TRAPPC8: variants seen among roughly 807,000 people sequenced by gnomAD.
TRAPPC8 encodes trafficking protein particle complex subunit 8.
In TRAPPC8, 54 loss-of-function variants were observed where a neutral mutation model predicts 174.3. That is an observed-to-expected ratio of 0.31 (90% confidence interval 0.25 to 0.39). The LOEUF (loss-of-function observed/expected upper bound fraction) is 0.39, where lower values mean the gene tolerates loss of function less well. TRAPPC8 is among the 10% of genes least tolerant of loss of function. The probability of loss-of-function intolerance (pLI) is 1.00; values close to 1 mark genes in which losing one functional copy is unlikely to be tolerated. For synonymous variants in TRAPPC8, 630 were observed against 579.9 expected (o/e 1.09, Z -1.24); for missense variants, 1,531 against 1,699.1 (o/e 0.90, Z 1.74).
chr18:31,875,230 C>T (rs1223211761), intron 12 of TRAPPC8, among the ~76,000 whole-genome samples: 1 of 151,816 alleles, frequency 6.6e-6, no homozygotes, highest in Non-Finnish European at 1.5e-5. Context: ...ACACATTTAT[C>T]AAAGTTTTTT....
intron 11 of TRAPPC8, among the ~76,000 whole-genome samples, chr18:31,897,426 A>G (rs899321484): frequency 6.6e-6 from 1 of 152,230 alleles, no homozygotes. Flanking sequence ...GCAGACTCAG[A>G]TAACAAAATA....
intron 24 of TRAPPC8, among the ~76,000 whole-genome samples, chr18:31,851,991 G>A (rs1015545165): frequency 2.0e-5 from 3 of 151,938 alleles, no homozygotes; most frequent in Non-Finnish European, 4.4e-5. Flanking sequence ...TTTGTTTTGG[G>A]GACTGAAGGC....
intron 5 of TRAPPC8, among the ~76,000 whole-genome samples, chr18:31,911,255 G>A (rs1220030900): frequency 6.6e-6 from 1 of 152,072 alleles, no homozygotes; most frequent in Non-Finnish European, 1.5e-5. Context: ...TGTGGCTTAC[G>A]CCTGTAATAT....
intron 12 of TRAPPC8, among the ~76,000 whole-genome samples, chr18:31,877,752 C>A (rs186485562): frequency 1.3e-5 from 2 of 151,690 alleles, no homozygotes; most frequent in African/African-American, 4.8e-5. Flanking sequence ...GGTGAAACCC[C>A]GTCTCTACTA....
intron 1 of TRAPPC8, among the ~76,000 whole-genome samples, chr18:31,938,818 A>T (rs1464526783): frequency 1.3e-5 from 2 of 152,206 alleles, no homozygotes; most frequent in Non-Finnish European, 2.9e-5. Context: ...TCAGTGGCTC[A>T]TGCCTGTAAT....
intron 7 of TRAPPC8, 23 bp from the exon 8 acceptor site, chr18:31,908,441 G>A (rs1474386070): frequency 7.0e-7 from 1 of 1,426,244 alleles, no homozygotes; most frequent in Non-Finnish European, 9.5e-7. Context: ...GATTAAATAT[G>A]TTGACAAACA....
chr18:31,843,040 A>T (rs1229750293), intron 26 of TRAPPC8, among the ~76,000 whole-genome samples: 3 of 152,192 alleles, frequency 2.0e-5, no homozygotes, highest in Non-Finnish European at 2.9e-5. Context: ...AAGGCAAAAA[A>T]ATTCATGTAC....
At chr18:31,845,872 C>T (rs2033373679) in intron 26 of TRAPPC8, among the ~76,000 whole-genome samples, 1 of 152,022 alleles carries the variant, frequency 6.6e-6, no homozygotes, top group Non-Finnish European at 1.5e-5. Context: ...AATTACTAGA[C>T]TAAATGTGCT....
At chr18:31,893,788 TTAAG>T (rs1162400781) in intron 11 of TRAPPC8, among the ~76,000 whole-genome samples, 1 of 152,182 alleles carries the variant, frequency 6.6e-6, no homozygotes, top group African/African-American at 2.4e-5. Flanking sequence ...CTGTAATTTC[TTAAG>T]TCTATTCTTA....
At chr18:31,882,489 A>G (rs960550865) in intron 12 of TRAPPC8, among the ~76,000 whole-genome samples, 5 of 152,164 alleles carry the variant, frequency 3.3e-5, no homozygotes, top group African/African-American at 7.2e-5. Context: ...GAGGGTTGAA[A>G]AACAACCTAC....
chr18:31,867,463 G>A lies in TRAPPC8; in HGVS notation c.2402C>T (p.Pro801Leu). ...AATAACTTCAGCTCCAATCATTTCA[G>A]GTTCACTTGTAACCTAAAAAATAAA... ...EEVKQLVTSE[P>L]EMIGAEVISE... Residue 801 changes from proline (P) to leucine (L), a missense_variant, in exon 17 of 29, where the codon CCT becomes CTT. Pro to Leu is a moderately conservative substitution (Grantham distance 98). Coordinates refer to ENST00000283351, the MANE Select transcript of TRAPPC8 (RefSeq NM_014939.5). The A allele has an allele frequency of 1.9e-6, 3 of 1,604,984 alleles. 1 individual carries two copies. Among genetic ancestry groups the A allele is most frequent in the South Asian group, 2.2e-5 (2 of 90,232 alleles).
At chr18:31,884,014 C>T (rs1352441973) in intron 12 of TRAPPC8, among the ~76,000 whole-genome samples, 1 of 152,064 alleles carries the variant, frequency 6.6e-6, no homozygotes, top group African/African-American at 2.4e-5. Context: ...CATGGTGAAA[C>T]CCCATCTCTA....
At chr18:31,932,871 A>G (rs1214767190) in intron 1 of TRAPPC8, among the ~76,000 whole-genome samples, 1 of 152,000 alleles carries the variant, frequency 6.6e-6, no homozygotes, top group Non-Finnish European at 1.5e-5. Context: ...AATCCCAGCT[A>G]CTGGGGACGC....
chr18:31,905,091 C>T (rs1184991858), intron 9 of TRAPPC8, among the ~76,000 whole-genome samples: 1 of 151,298 alleles, frequency 6.6e-6, no homozygotes, highest in Non-Finnish European at 1.5e-5. Flanking sequence ...ATTTATTTTG[C>T]CTTTGTAGTT....
At chr18:31,891,969 G>A (rs927576340) in intron 11 of TRAPPC8, among the ~76,000 whole-genome samples, 4 of 152,122 alleles carry the variant, frequency 2.6e-5, no homozygotes, top group Non-Finnish European at 5.9e-5. Context: ...TTAGATGATT[G>A]CTCTAGTAAT....
At chr18:31,875,869 T>A (rs553499048) in intron 12 of TRAPPC8, among the ~76,000 whole-genome samples, 1 of 152,228 alleles carries the variant, frequency 6.6e-6, no homozygotes, top group Non-Finnish European at 1.5e-5. Flanking sequence ...AACAGTGGAT[T>A]TCATGAAAAT....
intron 12 of TRAPPC8, among the ~76,000 whole-genome samples, chr18:31,876,486 TCTC>T: frequency 2.6e-5 from 1 of 37,872 alleles, no homozygotes; most frequent in African/African-American, 2.6e-4. Flanking sequence ...CGAGACTCCA[TCTC>T]AAAAAAAAAA....
chr18:31,857,614 C>T lies in TRAPPC8; in HGVS notation c.3114G>A (p.Gly1038=). 1 of 1,613,582 alleles carries T rather than the reference C, an allele frequency of 6.2e-7. No homozygotes were observed. The highest frequency in any genetic ancestry group is 8.5e-7 in the Non-Finnish European group (1 of 1,179,804). Residue 1038 remains glycine (G), a synonymous_variant, in exon 20 of 29, where the codon GGG becomes GGA. Transcript: ENST00000283351. ...ASVQLPMWLR[G]PDEEGVHEIN... is the part of the protein sequence containing the mutation. ...TTTCATGGACACCTTCTTCATCAGG[C>T]CCACGTAACCACATTGGCAGCTGCA...
rs183499572 is a variant in TRAPPC8 at position 31,931,349 on chromosome 18, T to G, written c.332A>C (p.Asp111Ala). ...GLVANVITAG[D>A]YDLNISATTP... is the part of the protein sequence containing the mutation. ...CATACCACTGATGTTAAGGTCATAA[T>G]CTCCTGCTGTAATCACATTAGCTAC... is the stretch of plus-strand genomic sequence containing the variant. Residue 111 changes from aspartate to alanine, a missense_variant, in exon 2 of 29, where the codon GAT (aspartate) becomes GCT (alanine). Coordinates refer to ENST00000283351, the MANE Select transcript of TRAPPC8 (RefSeq NM_014939.5). The G allele has an allele frequency of 1.3e-6, 2 of 1,583,224 alleles. No individual in the cohort carries two copies. Among genetic ancestry groups the G allele is most frequent in the East Asian group, 4.5e-5 (2 of 44,402 alleles).
Sources: gnomAD v4.1 joint callset for allele counts (sites outside exome capture counted in the v4.1 genomes callset) on GRCh38, gnomAD v4.1.1 for gene constraint, MANE v1.5 for transcripts, NCBI Gene and HGNC (gene_info 2026-07-23, HGNC 2026-07-21) for gene names.